HYCC1: variants seen among roughly 807,000 people sequenced by gnomAD.
The protein encoded by HYCC1 is hyccin PI4KA lipid kinase complex subunit 1, also known as hyccin.
chr7:23,009,920 G>C, the HYCC1 span, among the ~76,000 whole-genome samples: 1 of 152,116 alleles, frequency 6.6e-6, no homozygotes, highest in Non-Finnish European at 1.5e-5. Context: ...ACTCTGAGAA[G>C]GGCAAAAAGA....
At chr7:23,001,866 G>A in the HYCC1 span, among the ~76,000 whole-genome samples, 2 of 150,764 alleles carry the variant, frequency 1.3e-5, no homozygotes, top group African/African-American at 4.9e-5. Context: ...TTTCTGTTTG[G>A]TTTTGGTTTC....
At chr7:23,009,507 T>C in the HYCC1 span, among the ~76,000 whole-genome samples, 1 of 152,150 alleles carries the variant, frequency 6.6e-6, no homozygotes, top group Admixed American at 6.5e-5. Context: ...ATGACCAAGT[T>C]ACAATGCCAA....
chr7:22,913,319 G>A, the HYCC1 span, among the ~76,000 whole-genome samples: 1 of 152,204 alleles, frequency 6.6e-6, no homozygotes, highest in East Asian at 1.9e-4. Flanking sequence ...AGTTGGGTGT[G>A]ATACCAAATG....
the HYCC1 span, among the ~76,000 whole-genome samples, chr7:22,897,236 A>G: frequency 3.8e-3 from 576 of 152,292 alleles, 8 homozygotes; most frequent in African/African-American, 0.013. Flanking sequence ...ACAGAGTAGA[A>G]GGAAATGAGG....
chr7:22,949,134 G>GC, the HYCC1 span, among the ~76,000 whole-genome samples: 1 of 152,150 alleles, frequency 6.6e-6, no homozygotes, highest in South Asian at 2.1e-4. Context: ...AATTTTAAAA[G>GC]CTAAGCATAG....
the HYCC1 span, among the ~76,000 whole-genome samples, chr7:23,000,522 T>G: frequency 6.6e-6 from 1 of 152,150 alleles, no homozygotes; most frequent in African/African-American, 2.4e-5. Flanking sequence ...TACAATCACA[T>G]TCTACCAAAA....
the HYCC1 span, among the ~76,000 whole-genome samples, chr7:22,897,531 A>C: frequency 6.6e-6 from 1 of 152,340 alleles, no homozygotes; most frequent in African/African-American, 2.4e-5. Flanking sequence ...CAACAATTGC[A>C]CGGCACTGTT....
chr7:22,924,125 G>C, the HYCC1 span, among the ~76,000 whole-genome samples: 1 of 149,708 alleles, frequency 6.7e-6, no homozygotes, highest in Non-Finnish European at 1.5e-5. Context: ...GTTGCAGTGA[G>C]GGAGATCATG....
chr7:22,959,622 A>G, the HYCC1 span, among the ~76,000 whole-genome samples: 4 of 152,276 alleles, frequency 2.6e-5, no homozygotes, highest in Admixed American at 2.6e-4. Flanking sequence ...AATAAAGAAC[A>G]ATAAATTAAA....
chr7:22,907,104 CAAA>C, the HYCC1 span, among the ~76,000 whole-genome samples: 19 of 43,548 alleles, frequency 4.4e-4, no homozygotes, highest in East Asian at 5.7e-3. Context: ...GACTCTATCT[CAAA>C]AAAAAAAAAA....
At chr7:22,960,404 T>G in the HYCC1 span, 1 of 1,612,848 alleles carries the variant, frequency 6.2e-7, no homozygotes, top group Non-Finnish European at 8.5e-7. Context: ...AAGCCTTTAT[T>G]GCATTAGCAA....
the HYCC1 span, among the ~76,000 whole-genome samples, chr7:23,013,597 G>T: frequency 6.6e-6 from 1 of 152,162 alleles, no homozygotes; most frequent in Non-Finnish European, 1.5e-5. Flanking sequence ...CAGGAGGCTG[G>T]ACTGCTCCTC....
the HYCC1 span, among the ~76,000 whole-genome samples, chr7:23,000,001 A>G: frequency 6.6e-6 from 1 of 152,142 alleles, no homozygotes; most frequent in African/African-American, 2.4e-5. Flanking sequence ...ACTATAAAAG[A>G]TTATAAAAAT....
chr7:22,953,568 C>T, the HYCC1 span, among the ~76,000 whole-genome samples: 1 of 151,840 alleles, frequency 6.6e-6, no homozygotes, highest in Non-Finnish European at 1.5e-5. Context: ...GGATTCTGTA[C>T]ACAGTCTTTC....
chr7:22,986,823 G>C, the HYCC1 span, among the ~76,000 whole-genome samples: 1 of 152,152 alleles, frequency 6.6e-6, no homozygotes, highest in Non-Finnish European at 1.5e-5. Flanking sequence ...ACTCCGGCCT[G>C]GGCAACAGAA....
the HYCC1 span, among the ~76,000 whole-genome samples, chr7:22,985,207 G>A: frequency 6.6e-6 from 1 of 152,068 alleles, no homozygotes; most frequent in South Asian, 2.1e-4. Flanking sequence ...TCATATCCTA[G>A]TATTTCAAAA....
At chr7:22,977,338 T>A in the HYCC1 span, 1 of 1,538,950 alleles carries the variant, frequency 6.5e-7, no homozygotes. Flanking sequence ...AAATGTCACT[T>A]ACTTCATGGT....
At chr7:22,965,295 T>C in the HYCC1 span, among the ~76,000 whole-genome samples, 2 of 151,916 alleles carry the variant, frequency 1.3e-5, no homozygotes, top group East Asian at 1.9e-4. Flanking sequence ...CAGTATACCA[T>C]AATAAACTTC....
chr7:22,948,259 T>C, the HYCC1 span, among the ~76,000 whole-genome samples: 2 of 152,090 alleles, frequency 1.3e-5, no homozygotes, highest in African/African-American at 4.8e-5. Context: ...CAAACCTGCT[T>C]ATGGGACATC....
Sources: gnomAD v4.1 joint callset for allele counts (sites outside exome capture counted in the v4.1 genomes callset) on GRCh38, gnomAD v4.1.1 for gene constraint, MANE v1.5 for transcripts, NCBI Gene and HGNC (gene_info 2026-07-23, HGNC 2026-07-21) for gene names.